The following ESR1 variants were observed in gnomAD, a reference collection of about 807,000 sequenced individuals.
ESR1 encodes estrogen receptor 1.
Under a neutral mutation model 52.7 loss-of-function variants are expected in ESR1, and 12 were observed. The ratio of observed to expected loss-of-function variants is 0.23; its 90% CI spans 0.15 to 0.37. The LOEUF is 0.37. Among genes scored for constraint, ESR1 ranks in the 10% least tolerant of loss-of-function variants. The pLI is 1.00. For synonymous variants in ESR1, 305 were observed against 316.8 expected, an observed-to-expected ratio of 0.96 and a Z score of 0.39; for missense variants, 584 against 779.7, an observed-to-expected ratio of 0.75 and a Z score of 2.99.
At chr6:151,776,372 A>G (rs1785991197) in intron 2 of ESR1, among the ~76,000 whole-genome samples, 1 of 152,254 alleles carries the variant, frequency 6.6e-6, no homozygotes, top group African/African-American at 2.4e-5. Flanking sequence ...ATAACAAAGC[A>G]GAGGCTGTCT....
In ESR1 at chr6:152,122,155, C is replaced by T. The variant is rs116356962; in HGVS notation, c.851-3111C>T. On this transcript the variant is annotated intron_variant, in intron 6 of 6. Coordinates refer to the ESR1 transcript ENST00000427531. Reference sequence around the variant, plus strand: ...GCCAAGGGCCCAGAATTCATGAGTCCGGGGAACTTTGGAGGTCCTTACTCA... The same window carrying T: ...GCCAAGGGCCCAGAATTCATGAGTCTGGGGAACTTTGGAGGTCCTTACTCA... 934 of 463,494 alleles carry T rather than the reference C, an allele frequency of 2.0e-3. 14 individuals are homozygous for T. The highest frequency in any genetic ancestry group is 0.017 in the African/African-American group (880 of 50,618). 28.7% of individuals were successfully genotyped at this position (463,494 alleles called of 1,614,324 possible).
At chr6:151,792,396 A>G (rs542056601) in intron 2 of ESR1, among the ~76,000 whole-genome samples, 19 of 152,244 alleles carry the variant, frequency 1.2e-4, no homozygotes, top group Non-Finnish European at 2.1e-4. Context: ...TTCAATCAAT[A>G]ATAAGTGAAC....
chr6:152,054,344 T>C (rs976527604), intron 5 of ESR1, among the ~76,000 whole-genome samples: 2 of 152,174 alleles, frequency 1.3e-5, no homozygotes, highest in African/African-American at 2.4e-5. Flanking sequence ...TCCTTCCTTA[T>C]TGCCTAACAC....
At chr6:151,948,078 A>G (rs1195834517) in intron 4 of ESR1, among the ~76,000 whole-genome samples, 1 of 152,200 alleles carries the variant, frequency 6.6e-6, no homozygotes, top group East Asian at 1.9e-4. Flanking sequence ...AATAAATGTA[A>G]TATCATTGAG....
chr6:151,689,020 T>C (rs991653012), upstream of ESR1, among the ~76,000 whole-genome samples: 3 of 152,244 alleles, frequency 2.0e-5, no homozygotes, highest in African/African-American at 7.2e-5. Flanking sequence ...ATATACATTG[T>C]ACATTTATAT....
At chr6:151,806,596 A>T (rs1030589465), upstream of ESR1, among the ~76,000 whole-genome samples, 1 of 141,540 alleles carries the variant, frequency 7.1e-6, no homozygotes, top group Non-Finnish European at 1.5e-5. Context: ...GTGCATGTTT[A>T]ACTTTTAATT....
intron 1 of ESR1, among the ~76,000 whole-genome samples, chr6:151,831,934 T>C (rs565248737): frequency 6.6e-6 from 1 of 152,274 alleles, no homozygotes; most frequent in Admixed American, 6.5e-5. Flanking sequence ...AGCCATAACG[T>C]TCTCCCTAGA....
chr6:151,924,076 C>T (rs1584254830), intron 3 of ESR1, among the ~76,000 whole-genome samples: 1 of 152,164 alleles, frequency 6.6e-6, no homozygotes, highest in African/African-American at 2.4e-5. Flanking sequence ...TGGAGTCTCG[C>T]TCTGTCGCCC....
At chr6:151,860,894 C>T (rs1234162075) in intron 2 of ESR1, among the ~76,000 whole-genome samples, 2 of 152,148 alleles carry the variant, frequency 1.3e-5, no homozygotes, top group African/African-American at 4.8e-5. Flanking sequence ...CTTACCTAAG[C>T]TTTGTTCTTG....
intron 3 of ESR1, among the ~76,000 whole-genome samples, chr6:151,887,564 T>A (rs757976155): frequency 3.3e-5 from 5 of 152,134 alleles, no homozygotes; most frequent in Non-Finnish European, 7.4e-5. Context: ...TTATTCATTA[T>A]GATGTTCATG....
At chr6:151,824,248 C>T (rs1466827364) in intron 1 of ESR1, among the ~76,000 whole-genome samples, 1 of 152,148 alleles carries the variant, frequency 6.6e-6, no homozygotes, top group African/African-American at 2.4e-5. Flanking sequence ...TTTCATGTGT[C>T]TGTTGGCTGC....
chr6:151,839,241 T>C (rs1783881689), intron 1 of ESR1, among the ~76,000 whole-genome samples: 2 of 152,132 alleles, frequency 1.3e-5, no homozygotes, highest in Non-Finnish European at 2.9e-5. Context: ...TTTATGGGGA[T>C]TAGGAGTGGC....
intron 4 of ESR1, among the ~76,000 whole-genome samples, chr6:151,982,556 C>T (rs2040094032): frequency 6.7e-6 from 1 of 149,074 alleles, no homozygotes; most frequent in African/African-American, 2.5e-5. Context: ...GTGATCTCGG[C>T]TCACTGCAAG....
At chr6:151,697,624 G>T (rs1164961049) in intron 1 of ESR1, among the ~76,000 whole-genome samples, 3 of 152,164 alleles carry the variant, frequency 2.0e-5, no homozygotes, top group African/African-American at 7.2e-5. Context: ...CAGACCATTT[G>T]AATTTTTTAT....
intron 1 of ESR1, among the ~76,000 whole-genome samples, chr6:151,812,792 T>G (rs1215950912): frequency 1.3e-5 from 2 of 152,144 alleles, no homozygotes; most frequent in Admixed American, 1.3e-4. Flanking sequence ...TACACTTGTT[T>G]AGAACCATAT....
chr6:151,991,142 G>T (rs573076949), intron 4 of ESR1, among the ~76,000 whole-genome samples: 1 of 152,106 alleles, frequency 6.6e-6, no homozygotes, highest in Non-Finnish European at 1.5e-5. Flanking sequence ...ACTTGGCTCT[G>T]TACAGACAGT....
chr6:151,792,927 T>A (rs1388784619), intron 2 of ESR1, among the ~76,000 whole-genome samples: 1 of 152,096 alleles, frequency 6.6e-6, no homozygotes, highest in Non-Finnish European at 1.5e-5. Flanking sequence ...TCCTAGCACT[T>A]TGGGAGGCCG....
chr6:151,806,094 A>T (rs1777787509), upstream of ESR1, among the ~76,000 whole-genome samples: 1 of 152,212 alleles, frequency 6.6e-6, no homozygotes, highest in Non-Finnish European at 1.5e-5. Context: ...TATGGAAATT[A>T]AATCATCTGT....
chr6:152,023,791 T>C (rs1333520276), intron 5 of ESR1, among the ~76,000 whole-genome samples: 2 of 152,202 alleles, frequency 1.3e-5, no homozygotes, highest in Non-Finnish European at 2.9e-5. Context: ...ATTGCTTCCT[T>C]GCAGTGTCAT....
Sources: gnomAD v4.1 joint callset for allele counts (sites outside exome capture counted in the v4.1 genomes callset) on GRCh38, gnomAD v4.1.1 for gene constraint, MANE v1.5 for transcripts, NCBI Gene and HGNC (gene_info 2026-07-23, HGNC 2026-07-21) for gene names.